The following PLLP variants were observed in gnomAD, a reference collection of about 807,000 sequenced individuals.
PLLP encodes the protein plasma membrane proteolipid (plasmolipin).
A neutral mutation model predicts 19.7 loss-of-function variants in PLLP; 15 were observed. The ratio of observed to expected loss-of-function variants is 0.76; its 90% CI spans 0.51 to 1.17. The LOEUF (loss-of-function observed/expected upper bound fraction) is 1.17. Among genes scored for constraint, PLLP ranks in the 50% most tolerant of loss-of-function variants. The pLI is 0.00. For missense variants in PLLP, 255 were observed against 258.3 expected (o/e 0.99, Z 0.09); for synonymous variants, 111 against 116.3 (o/e 0.95, Z 0.29).
intron 2 of PLLP, 35 bp downstream of exon 2, chr16:57,261,862 T>G (rs1402792724): frequency 1.2e-6 from 2 of 1,600,180 alleles, no homozygotes; most frequent in Admixed American, 3.3e-5. Flanking sequence ...AGTGGTCCTG[T>G]CATAGCCACT....
intron 1 of PLLP, among the ~76,000 whole-genome samples, chr16:57,284,145 G>A (rs1459094052): frequency 6.6e-6 from 1 of 152,146 alleles, no homozygotes; most frequent in Non-Finnish European, 1.5e-5. Context: ...CACGGGCAGT[G>A]GGCACTCTGT....
rs1821293518 is a variant in PLLP, at chr16:57,262,036, T to C, written c.170A>G (p.Asp57Gly). 1.2e-6 allele frequency: 2 copies of C among 1,614,112 alleles called. No individual in the cohort carries two copies. Among genetic ancestry groups the C allele is most frequent in the East Asian group, 2.2e-5 (1 of 44,876 alleles). Residue 57 changes from aspartate (D) to glycine (G), a missense_variant, in exon 2 of 4, where the codon GAC (aspartate) becomes GGC (glycine). Coordinates refer to ENST00000219207, the MANE Select transcript of PLLP (RefSeq NM_015993.3). ...GGCCGGATACAGGTGGTACGGGGTG[T>C]CCGCAATCAGCGCCCACACCAGCAG... ...LGLLVWALIA[D>G]TPYHLYPAYG...
chr16:57,257,108 G>T, intron 3 of PLLP, 79 bp from the exon 4 acceptor site: 1 of 1,027,420 alleles, frequency 9.7e-7, no homozygotes, highest in Non-Finnish European at 1.5e-6. Context: ...AGGCCAGGCA[G>T]GAGGGGTTGT....
chr16:57,283,426 C>A lies in PLLP; in HGVS notation c.135+980G>T, dbSNP rs144744526. 4.4e-3 allele frequency among the ~76,000 whole-genome samples: 666 copies of A among 152,294 alleles called. 8 individuals carry two copies. The highest frequency in any genetic ancestry group is 0.015 in the African/African-American group (619 of 41,564). On this transcript the variant is annotated intron_variant, in intron 1 of 3. Coordinates refer to ENST00000219207, the MANE Select transcript of PLLP (RefSeq NM_015993.3). ...CCCTCTAGCTTGGGCCTCGCAGCAG[C>A]GCTAGCACCCAGCAATAGGAGACAA... is the stretch of plus-strand genomic sequence containing the variant.
At chr16:57,261,044 A>G (rs1465347676) in intron 2 of PLLP, among the ~76,000 whole-genome samples, 2 of 152,134 alleles carry the variant, frequency 1.3e-5, no homozygotes, top group Admixed American at 1.3e-4. Context: ...CTGGAGTATA[A>G]TGGTGTGATC....
chr16:57,266,365 C>A (rs915020856), intron 1 of PLLP, among the ~76,000 whole-genome samples: 61 of 152,332 alleles, frequency 4.0e-4, no homozygotes, highest in African/African-American at 1.4e-3. Context: ...TGCCCTAGAA[C>A]AAGGAAGGTT....
Position 57,284,425 on chromosome 16 carries a change from G to T in PLLP, c.116C>A (p.Ala39Glu). Residue 39 changes from alanine to glutamate, a missense_variant, in exon 1 of 4, where the codon GCG becomes GAG. By Grantham distance (107) the Ala-to-Glu change is moderately radical. Transcript: ENST00000219207. ...TCTCACCAGCTGCAGCAGCATGAGC[G>T]CCCCGAGGCGGGAGCGCACGAAGCC... ...DLGFVRSRLGALMLLQLVLGL... is the reference protein window; with the variant it reads ...DLGFVRSRLGELMLLQLVLGL... 7.0e-7 allele frequency: 1 copy of T among 1,423,388 alleles called. No homozygotes were observed. The highest frequency in any genetic ancestry group is 2.8e-5 in the Admixed American group (1 of 35,940). 88.2% of individuals were successfully genotyped at this position (1,423,388 alleles called of 1,614,324 possible).
intron 1 of PLLP, among the ~76,000 whole-genome samples, chr16:57,282,408 ATT>A (rs796727236): frequency 6.9e-6 from 1 of 144,500 alleles, no homozygotes; most frequent in Admixed American, 6.8e-5. Flanking sequence ...ATGCCTGGCT[ATT>A]TTTTTTTTCC....
At chr16:57,276,591 C>A (rs913549386) in intron 1 of PLLP, among the ~76,000 whole-genome samples, 1,480 of 106,804 alleles carry the variant, frequency 0.014, no homozygotes, top group Middle Eastern at 0.019. Context: ...GACTCTGTCT[C>A]AAAAAAAAAA....
intron 1 of PLLP, among the ~76,000 whole-genome samples, chr16:57,264,738 A>G (rs1427743945): frequency 6.6e-6 from 1 of 152,282 alleles, no homozygotes; most frequent in East Asian, 1.9e-4. Context: ...GGTCCCAGCT[A>G]CTTGGGAGGC....
chr16:57,256,656 C>A lies in PLLP; in HGVS notation c.*257G>T. 2.1e-6 allele frequency: 1 copy of A among 469,950 alleles called. No individual in the cohort carries two copies. The highest frequency in any genetic ancestry group is 2.0e-5 in the African/African-American group (1 of 51,246). The allele number at this position is 469,950 out of a possible 1,614,324, so 29.1% of individuals were successfully genotyped here. A position where few individuals can be genotyped will look rare whatever the true frequency, so the allele number is the denominator to read the frequency against. On this transcript the variant is annotated 3_prime_UTR_variant, in exon 4 of 4. Transcript: ENST00000219207. ...ACAAGGCAGAGACACAGCCTCAGAT[C>A]CCCCGTCATCTTCCACTGAATAAGG... is the stretch of plus-strand genomic sequence containing the variant.
At chr16:57,284,292 C>G in intron 1 of PLLP, 114 bp downstream of exon 1, 1 of 982,466 alleles carries the variant, frequency 1.0e-6, no homozygotes, top group South Asian at 2.6e-5. Context: ...ACAGTGTGAG[C>G]CCGGGTGGGG....
At chr16:57,271,862 GGGA>G (rs1240662014) in intron 1 of PLLP, among the ~76,000 whole-genome samples, 1 of 151,844 alleles carries the variant, frequency 6.6e-6, no homozygotes, top group Non-Finnish European at 1.5e-5. Context: ...ACTCGCAGGT[GGGA>G]TCTCAGAAAC....
At chr16:57,263,175 A>G (rs1306240515) in intron 1 of PLLP, 5 of 152,276 alleles carry the variant, frequency 3.3e-5, no homozygotes, top group African/African-American at 9.7e-5. Flanking sequence ...CTCCTGCCCA[A>G]CACCCCACGT....
At chr16:57,270,127 G>T (rs2075469754) in intron 1 of PLLP, among the ~76,000 whole-genome samples, 1 of 152,104 alleles carries the variant, frequency 6.6e-6, no homozygotes, top group Admixed American at 6.6e-5. Flanking sequence ...CAACGTAACG[G>T]CCAAAGGGGC....
At chr16:57,264,143 C>G (rs2075450143) in intron 1 of PLLP, among the ~76,000 whole-genome samples, 1 of 152,138 alleles carries the variant, frequency 6.6e-6, no homozygotes, top group East Asian at 1.9e-4. Context: ...CGTCGAGGAC[C>G]AGAAGGGAAG....
intron 1 of PLLP, among the ~76,000 whole-genome samples, chr16:57,276,778 T>C (rs1383841195): frequency 6.6e-6 from 1 of 152,054 alleles, no homozygotes; most frequent in East Asian, 1.9e-4. Context: ...CGGAAGGCAT[T>C]TGGCAATCTA....
intron 1 of PLLP, among the ~76,000 whole-genome samples, chr16:57,273,975 C>T (rs144421855): frequency 6.6e-6 from 1 of 152,262 alleles, no homozygotes; most frequent in African/African-American, 2.4e-5. Context: ...TTTGCCATAT[C>T]CACGAACGTG....
intron 1 of PLLP, among the ~76,000 whole-genome samples, chr16:57,279,477 A>T (rs180738960): frequency 6.6e-6 from 1 of 151,354 alleles, no homozygotes; most frequent in Admixed American, 6.6e-5. Context: ...GTTCGAGACC[A>T]GTCTGGGTAA....
Sources: allele counts gnomAD v4.1 joint callset (sites outside exome capture counted in the v4.1 genomes callset), GRCh38; gene constraint gnomAD v4.1.1; transcripts MANE v1.5; gene names NCBI Gene and HGNC (gene_info 2026-07-23, HGNC 2026-07-21).